Variants in KCTD2 observed in about 807,000 individuals in gnomAD.
The protein encoded by KCTD2 is BTB/POZ domain-containing protein KCTD2.
KCTD2 carries 18 observed loss-of-function variants against 27.9 expected under a neutral mutation model. The ratio of observed to expected loss-of-function variants is 0.64; its 90% CI spans 0.45 to 0.96. The LOEUF is 0.96. Among genes scored for constraint, KCTD2 ranks in the 40% least tolerant of loss-of-function variants. The pLI, the probability that KCTD2 is intolerant of heterozygous loss-of-function variation, is 0.00. For missense variants in KCTD2, 280 were observed against 348.0 expected (o/e 0.80, Z 1.56); for synonymous variants, 175 against 148.4 (o/e 1.18, Z -1.30).
intron 3 of KCTD2, 55 bp from the exon 4 acceptor site, chr17:75,059,455 G>A (rs773952295): frequency 4.4e-5 from 54 of 1,221,444 alleles, no homozygotes; most frequent in Non-Finnish European, 5.8e-5. Context: ...CCTTGGGGCA[G>A]CTGCAAACTG....
Position 75,062,218 on chromosome 17 carries a change from C to A in KCTD2, c.735C>A (p.Ile245=), listed in dbSNP as rs1021696258. 2 of 1,613,254 alleles carry A rather than the reference C, an allele frequency of 1.2e-6. No individual in the cohort carries two copies. Among genetic ancestry groups the A allele is most frequent in the Non-Finnish European group, 1.7e-6 (2 of 1,179,736 alleles). The part of the protein sequence containing the change: ...SRELNNSTNG[I]VIEPSEKAKI... Reference sequence around the variant, plus strand: ...AACTAAATAATTCTACCAATGGCATCGTCATAGAGCCGAGCGAAAAGGCGA... The same window carrying A: ...AACTAAATAATTCTACCAATGGCATAGTCATAGAGCCGAGCGAAAAGGCGA... The change falls in exon 5 of 6, where the codon ATC becomes ATA. Residue 245 remains isoleucine (I), a synonymous_variant. Coordinates refer to ENST00000322444, the MANE Select transcript of KCTD2 (RefSeq NM_015353.3).
intron 2 of KCTD2, among the ~76,000 whole-genome samples, chr17:75,034,436 C>A (rs188012535): frequency 1.6e-4 from 24 of 152,322 alleles, no homozygotes; most frequent in African/African-American, 5.5e-4. Context: ...CTCGACACCC[C>A]AGGTGGGACT....
At chr17:75,056,945 C>CTTTTTTTTTTTTTTT (rs1437630711) in intron 3 of KCTD2, among the ~76,000 whole-genome samples, 1 of 128,496 alleles carries the variant, frequency 7.8e-6, no homozygotes, top group African/African-American at 2.8e-5. Context: ...CTTTTTTTTT[C>CTTTTTTTTTTTTTTT]TTTTTTCTTT....
chr17:75,052,093 A>G (rs1259774669), intron 2 of KCTD2, among the ~76,000 whole-genome samples: 1 of 152,094 alleles, frequency 6.6e-6, no homozygotes. Flanking sequence ...GACTAGTTCC[A>G]GGAACTAAGT....
chr17:75,043,982 A>G (rs1598690410), upstream of KCTD2, among the ~76,000 whole-genome samples: 1 of 150,780 alleles, frequency 6.6e-6, no homozygotes, highest in African/African-American at 2.4e-5. Context: ...CTTCTTATTC[A>G]CATCGGATTA....
In KCTD2 at chr17:75,063,129, T is replaced by G; in HGVS notation, c.*82T>G. On this transcript the variant is annotated 3_prime_UTR_variant, in exon 6 of 6. Transcript: ENST00000322444. ...GAAGTGAAACCTCACTCCTGTCCAGTGACCGAGCCACTGCAAAGCACAGCT... is the reference window on the plus strand; with the variant it reads ...GAAGTGAAACCTCACTCCTGTCCAGGGACCGAGCCACTGCAAAGCACAGCT... The G allele has an allele frequency of 7.5e-7, 1 of 1,333,520 alleles. No homozygotes were observed. Among genetic ancestry groups the G allele is most frequent in the Non-Finnish European group, 1.1e-6 (1 of 935,646 alleles). The allele number at this position is 1,333,520 out of a possible 1,614,324, so 82.6% of individuals were successfully genotyped here. A position where few individuals can be genotyped will look rare whatever the true frequency, so the allele number is the denominator to read the frequency against.
intron 2 of KCTD2, chr17:75,035,124 C>CT (rs2040102372): frequency 6.6e-6 from 1 of 152,052 alleles, no homozygotes; most frequent in African/African-American, 2.4e-5. Flanking sequence ...ACCGCGTGGC[C>CT]TAATGGATAA....
chr17:75,045,196 G>C (rs2073201246), upstream of KCTD2, among the ~76,000 whole-genome samples: 2 of 152,154 alleles, frequency 1.3e-5, no homozygotes, highest in African/African-American at 2.4e-5. Flanking sequence ...AAAGGGGAGG[G>C]AGTATACGAA....
At chr17:75,060,567 T>C (rs553517018) in intron 4 of KCTD2, 15 of 1,612,920 alleles carry the variant, frequency 9.3e-6, no homozygotes, top group Middle Eastern at 1.9e-4. Flanking sequence ...CTGGTTGAAG[T>C]TGGCAAAGAG....
At chr17:75,060,735 G>T in intron 4 of KCTD2, 1 of 740,314 alleles carries the variant, frequency 1.4e-6, no homozygotes, top group Non-Finnish European at 2.1e-6. Flanking sequence ...TCAACCGCCT[G>T]AGTAAATATG....
chr17:75,054,200 G>A (rs536685966), intron 3 of KCTD2, among the ~76,000 whole-genome samples: 2 of 151,206 alleles, frequency 1.3e-5, no homozygotes, highest in Admixed American at 6.6e-5. Context: ...TGTATTTTGG[G>A]TAGAAACGAG....
At chr17:75,037,397 G>A (rs530536236) in intron 3 of KCTD2, among the ~76,000 whole-genome samples, 3 of 150,544 alleles carry the variant, frequency 2.0e-5, no homozygotes, top group East Asian at 1.9e-4. Flanking sequence ...TCTCCCCTGC[G>A]TAGACCATGC....
At chr17:75,061,066 T>C (rs2073399764) in intron 4 of KCTD2, among the ~76,000 whole-genome samples, 2 of 152,264 alleles carry the variant, frequency 1.3e-5, no homozygotes, top group African/African-American at 4.8e-5. Flanking sequence ...ATTTTTTTAA[T>C]GTATTCTTTG....
intron 2 of KCTD2, chr17:75,035,102 C>G (rs151314504): frequency 7.9e-5 from 12 of 152,310 alleles, no homozygotes; most frequent in Non-Finnish European, 5.9e-5. Flanking sequence ...TAGGAGGTAG[C>G]TGCAGCCGGA....
Position 75,061,128 on chromosome 17 carries a change from G to A in KCTD2, c.637-992G>A, listed in dbSNP as rs561615612. Among the ~76,000 whole-genome samples, 9 of 152,202 alleles carry A rather than the reference G, an allele frequency of 5.9e-5. No individual in the cohort carries two copies. The South Asian group carries it at 1.2e-3, about 21-fold the overall frequency. On this transcript the variant is annotated intron_variant, in intron 4 of 5. Coordinates refer to ENST00000322444, the MANE Select transcript of KCTD2 (RefSeq NM_015353.3). ...TAATTTCTCATCTTATTACTGTCCCGTGGGAAGACGGAGGGTGTTCCTATT... is the reference window on the plus strand; with the variant it reads ...TAATTTCTCATCTTATTACTGTCCCATGGGAAGACGGAGGGTGTTCCTATT...
intron 3 of KCTD2, among the ~76,000 whole-genome samples, chr17:75,055,048 A>G (rs2144934036): frequency 6.6e-6 from 1 of 152,006 alleles, no homozygotes; most frequent in Non-Finnish European, 1.5e-5. Context: ...AAGGCAGGAA[A>G]ATTATTCTTT....
chr17:75,060,631 G>A lies in KCTD2; in HGVS notation c.636+1026G>A, dbSNP rs373289529. 526 of 1,577,086 alleles carry A rather than the reference G, an allele frequency of 3.3e-4. 1 individual carries two copies. The highest frequency in any genetic ancestry group is 2.2e-3 in the Admixed American group (121 of 54,606). On this transcript the variant is annotated intron_variant, in intron 4 of 5. Transcript: ENST00000322444. Reference sequence around the variant, plus strand: ...TGGCTCGCCAGGTTCATGGCTGGGCGCGTGGCGAGTGGGCCCGGCCAGGGA... The same window carrying A: ...TGGCTCGCCAGGTTCATGGCTGGGCACGTGGCGAGTGGGCCCGGCCAGGGA...
chr17:75,055,297 C>T (rs1430592411), intron 3 of KCTD2, among the ~76,000 whole-genome samples: 1 of 151,946 alleles, frequency 6.6e-6, no homozygotes, highest in Non-Finnish European at 1.5e-5. Flanking sequence ...TCAAGTGATC[C>T]ACTTGCCTCA....
At chr17:75,047,877 T>C (rs1315230440) in intron 1 of KCTD2, among the ~76,000 whole-genome samples, 1 of 151,908 alleles carries the variant, frequency 6.6e-6, no homozygotes, top group Admixed American at 6.6e-5. Flanking sequence ...CCACACCCCT[T>C]CTCCATATTC....
Sources: allele counts gnomAD v4.1 joint callset (sites outside exome capture counted in the v4.1 genomes callset), GRCh38; gene constraint gnomAD v4.1.1; transcripts MANE v1.5; gene names NCBI Gene and HGNC (gene_info 2026-07-23, HGNC 2026-07-21).